UBE3B: variants seen among roughly 807,000 people sequenced by gnomAD.
The protein encoded by UBE3B is ubiquitin-protein ligase E3B.
In UBE3B, 80 loss-of-function variants were observed where a neutral mutation model predicts 132.3. That is an observed-to-expected ratio of 0.60 (90% CI 0.50 to 0.73). The LOEUF is 0.73. Among genes scored for constraint, UBE3B ranks in the 30% least tolerant of loss-of-function variants. The probability of loss-of-function intolerance (pLI) is 0.00; values close to 1 mark genes in which losing one functional copy is unlikely to be tolerated. For synonymous variants in UBE3B, 487 were observed against 520.4 expected (o/e 0.94, Z 0.87); for missense variants, 1,196 against 1,362.5 (o/e 0.88, Z 1.92).
intron 4 of UBE3B, 113 bp downstream of exon 4, chr12:109,484,094 A>G: frequency 1.7e-6 from 2 of 1,154,938 alleles, no homozygotes; most frequent in South Asian, 1.7e-5. Flanking sequence ...TGTCACCCTC[A>G]CATCCTGTCC....
intron 15 of UBE3B, 26 bp from the exon 16 acceptor site, chr12:109,509,560 AGTGTGGAATT>A (rs1566095986): frequency 3.5e-6 from 5 of 1,432,408 alleles, no homozygotes; most frequent in Non-Finnish European, 4.8e-6. Context: ...GCCTTTTTTC[AGTGTGGAATT>A]GTGGGTAATT....
In UBE3B at chr12:109,521,373, G is replaced by T. The variant is rs868830945; in HGVS notation, c.2253+49G>T. 3.1e-6 allele frequency: 5 copies of T among 1,604,130 alleles called. No homozygotes were observed. The highest frequency in any genetic ancestry group is 1.3e-5 in the African/African-American group (1 of 74,900). ...GGCTGACAGCAGCCAGATTCAAGAA[G>T]TGAAGAGCTGGGCTTGCTCCTTGCA... On this transcript the variant is annotated intron_variant, in intron 20 of 27. Coordinates refer to ENST00000342494, the MANE Select transcript of UBE3B (RefSeq NM_130466.4). This position sits in a 1 kb window ranked among gnomAD's most constrained non-coding sequence, Gnocchi z 4.2.
rs564194252 is a variant in UBE3B, at chr12:109,516,427, T to G, written c.1957-338T>G. Among the ~76,000 whole-genome samples, 3 of 152,298 alleles carry G rather than the reference T, an allele frequency of 2.0e-5. No homozygotes were observed. The East Asian group carries it at 5.8e-4, about 30-fold the overall frequency. ...CCCGACCTCAGGTAATCCGCCCACC[T>G]GGGCCTCCCAGAGTGCTGGGATTAC... On this transcript the variant is annotated intron_variant, in intron 18 of 27. Coordinates refer to ENST00000342494, the MANE Select transcript of UBE3B (RefSeq NM_130466.4).
downstream of UBE3B, among the ~76,000 whole-genome samples, chr12:109,541,003 T>C (rs891926247): frequency 6.6e-6 from 1 of 152,202 alleles, no homozygotes; most frequent in Non-Finnish European, 1.5e-5. Flanking sequence ...TCTCTGCACG[T>C]CTCTGGCTCC....
In UBE3B at chr12:109,521,157, G is replaced by A. The variant is rs145812083; in HGVS notation, c.2086G>A (p.Glu696Lys). The A allele has an allele frequency of 3.0e-5, 48 of 1,614,012 alleles. No homozygotes were observed. The highest frequency in any genetic ancestry group is 3.9e-5 in the Non-Finnish European group (46 of 1,180,008). Reference sequence around the variant, plus strand: ...ATTCTGCTCTTGGCAGGACGGCTACGAGCAGCTTAGGCAGCTCTCCCAGCA... The same window carrying A: ...ATTCTGCTCTTGGCAGGACGGCTACAAGCAGCTTAGGCAGCTCTCCCAGCA... The part of the protein sequence containing the change: ...RRSRMLEDGY[E>K]QLRQLSQHAM... The change falls in exon 20 of 28, where the codon GAG (glutamate) becomes AAG (lysine). Residue 696 changes from glutamate (E) to lysine (K), a missense_variant. Glu to Lys is a moderately conservative substitution (Grantham distance 56). Coordinates refer to ENST00000342494, the MANE Select transcript of UBE3B (RefSeq NM_130466.4). This position sits in a 1 kb window ranked among gnomAD's most constrained non-coding sequence, Gnocchi z 4.2.
chr12:109,524,180 C>T, intron 22 of UBE3B, 65 bp downstream of exon 22: 1 of 1,600,802 alleles, frequency 6.2e-7, no homozygotes, highest in Non-Finnish European at 8.5e-7. Context: ...TGCGAAGTCC[C>T]AGAAGGAGAT....
In UBE3B at chr12:109,534,927, C is replaced by A; in HGVS notation, c.*145C>A. On this transcript the variant is annotated 3_prime_UTR_variant, in exon 28 of 28. Coordinates refer to ENST00000342494, the MANE Select transcript of UBE3B (RefSeq NM_130466.4). This position sits in a 1 kb window ranked among gnomAD's most constrained non-coding sequence, Gnocchi z 5.2. ...CTATAGCCATGAGACTCCTTGTGGC[C>A]TCAAGAAATTTAGACGCCCACGACA... 1.7e-6 allele frequency: 1 copy of A among 602,762 alleles called. No homozygotes were observed. 37.3% of individuals were successfully genotyped at this position (602,762 alleles called of 1,614,324 possible).
chr12:109,499,900 G>C, intron 12 of UBE3B, 90 bp downstream of exon 12: 1 of 1,232,774 alleles, frequency 8.1e-7, no homozygotes, highest in Non-Finnish European at 1.1e-6. Context: ...GTGGTGTTTT[G>C]TTTCTTATTA....
At chr12:109,501,669 A>T (rs1879012456) in intron 13 of UBE3B, 135 bp downstream of exon 13, 2 of 1,120,454 alleles carry the variant, frequency 1.8e-6, no homozygotes. Context: ...TCTTGTTGTT[A>T]GAGACAGAGT....
intron 8 of UBE3B, chr12:109,490,737 G>A: frequency 2.1e-6 from 3 of 1,410,872 alleles, no homozygotes; most frequent in East Asian, 2.5e-5. Context: ...TAGAGAAAGA[G>A]TGGTAGAGTT....
intron 14 of UBE3B, 44 bp downstream of exon 14, chr12:109,503,234 A>G (rs367971212): frequency 3.8e-6 from 6 of 1,595,288 alleles, no homozygotes; most frequent in African/African-American, 1.3e-5. Context: ...CACATTTGGC[A>G]GACAGTTTGT....
intron 9 of UBE3B, chr12:109,491,797 C>G (rs556289279): frequency 6.6e-6 from 1 of 152,218 alleles, no homozygotes; most frequent in Non-Finnish European, 1.5e-5. Flanking sequence ...GCTCTGCCCC[C>G]ATCTGTGGAT....
chr12:109,486,577 T>TAA lies in UBE3B; in HGVS notation c.447+3_447+4dup. 15 of 656,878 alleles carry TAA rather than the reference T, an allele frequency of 2.3e-5. No homozygotes were observed. The highest frequency in any genetic ancestry group is 7.6e-5 in the South Asian group (2 of 26,364). The allele number at this position is 656,878 out of a possible 1,614,324, so 40.7% of individuals were successfully genotyped here. A position where few individuals can be genotyped will look rare whatever the true frequency, so the allele number is the denominator to read the frequency against. ...TGTGATTTTCTCAAGCAGCTCAAGG[T>TAA]AACAAAAAAAAAAAAAAAAAAAAAA... On this transcript the variant is annotated splice_region_variant and intron_variant, in intron 6 of 27. Transcript: ENST00000342494.
intron 24 of UBE3B, among the ~76,000 whole-genome samples, chr12:109,528,786 G>A (rs1349729557): frequency 2.6e-5 from 4 of 151,804 alleles, no homozygotes; most frequent in Non-Finnish European, 5.9e-5. Context: ...GGAGGCAGAG[G>A]TTGCAGTGAG....
At chr12:109,505,130 T>C (rs1203823537) in intron 14 of UBE3B, among the ~76,000 whole-genome samples, 1 of 152,262 alleles carries the variant, frequency 6.6e-6, no homozygotes, top group Non-Finnish European at 1.5e-5. Context: ...CTTGAAAATA[T>C]ACACTTTAAG....
intron 1 of UBE3B, among the ~76,000 whole-genome samples, chr12:109,478,886 G>A (rs1159795596): frequency 6.6e-6 from 1 of 152,216 alleles, no homozygotes; most frequent in East Asian, 1.9e-4. Flanking sequence ...AAGTGGTGGT[G>A]GTCATTAAAC....
intron 6 of UBE3B, among the ~76,000 whole-genome samples, chr12:109,488,168 A>G (rs1461049520): frequency 2.6e-5 from 4 of 152,346 alleles, no homozygotes; most frequent in Admixed American, 2.6e-4. Flanking sequence ...AAACTTGCCT[A>G]AGCTCACACA....
intron 18 of UBE3B, among the ~76,000 whole-genome samples, chr12:109,516,548 T>A (rs1881085752): frequency 6.6e-6 from 1 of 152,012 alleles, no homozygotes; most frequent in Non-Finnish European, 1.5e-5. Flanking sequence ...TTCCGGAACG[T>A]TTTTTGCTTG....
chr12:109,483,188 T>C (rs76708701), intron 2 of UBE3B, among the ~76,000 whole-genome samples: 2,513 of 152,340 alleles, frequency 0.016, 85 homozygotes, highest in African/African-American at 0.058. Flanking sequence ...ACCTATAGGA[T>C]ACCTGGTTTG....
Sources: allele counts gnomAD v4.1 joint callset (sites outside exome capture counted in the v4.1 genomes callset), GRCh38; gene constraint gnomAD v4.1.1; non-coding constraint Gnocchi (gnomAD v3.1); transcripts MANE v1.5; gene names NCBI Gene and HGNC (gene_info 2026-07-23, HGNC 2026-07-21).